Variants in MYRIP observed in about 807,000 individuals in gnomAD.
The protein encoded by MYRIP is rab effector MyRIP.
In MYRIP, 49 loss-of-function variants were observed where a neutral mutation model predicts 98.0. The observed-to-expected ratio is 0.50, with a 90% confidence interval of 0.40 to 0.63. MYRIP has a LOEUF of 0.63. MYRIP is among the 30% of genes least tolerant of loss of function. The pLI is 0.00. For missense variants in MYRIP, 1,004 were observed against 1,058.2 expected (o/e 0.95, Z 0.71); for synonymous variants, 404 against 409.5 (o/e 0.99, Z 0.16).
intron 3 of MYRIP, among the ~76,000 whole-genome samples, chr3:40,077,944 G>C (rs540082868): frequency 6.6e-6 from 1 of 152,260 alleles, no homozygotes; most frequent in African/African-American, 2.4e-5. Context: ...TCAGCCCTTC[G>C]GTGGTTGATG....
At chr3:40,043,668 G>T (rs76609250) in intron 2 of MYRIP, among the ~76,000 whole-genome samples, 1 of 152,144 alleles carries the variant, frequency 6.6e-6, no homozygotes, top group Admixed American at 6.5e-5. Context: ...GCTGTGTGAG[G>T]ATTAATGTTT....
intron 2 of MYRIP, among the ~76,000 whole-genome samples, chr3:39,975,420 A>T (rs1945722032): frequency 6.6e-6 from 1 of 152,024 alleles, no homozygotes; most frequent in Non-Finnish European, 1.5e-5. Context: ...ATGGAAGAAC[A>T]TTCCATGCTC....
intron 1 of MYRIP, among the ~76,000 whole-genome samples, chr3:39,878,751 C>T (rs1011660060): frequency 6.6e-6 from 1 of 151,994 alleles, no homozygotes; most frequent in African/African-American, 2.4e-5. Flanking sequence ...AAAAATACTA[C>T]AACTTCTTTT....
intron 2 of MYRIP, among the ~76,000 whole-genome samples, chr3:40,030,024 C>G (rs1441401613): frequency 1.3e-5 from 2 of 151,016 alleles, no homozygotes; most frequent in African/African-American, 4.9e-5. Flanking sequence ...GCCACCACTG[C>G]ATTCCAGCAT....
intron 2 of MYRIP, among the ~76,000 whole-genome samples, chr3:39,960,832 A>C (rs1945304686): frequency 6.6e-6 from 1 of 152,164 alleles, no homozygotes; most frequent in Non-Finnish European, 1.5e-5. Flanking sequence ...CTGGTTTTAA[A>C]CAATTGCATT....
chr3:40,004,103 G>C (rs1264257977), intron 2 of MYRIP, among the ~76,000 whole-genome samples: 1 of 152,132 alleles, frequency 6.6e-6, no homozygotes, highest in African/African-American at 2.4e-5. Flanking sequence ...TTCAGCACAG[G>C]CATGTCTGAC....
intron 15 of MYRIP, among the ~76,000 whole-genome samples, chr3:40,251,496 C>G (rs1953376790): frequency 6.6e-6 from 1 of 152,202 alleles, no homozygotes; most frequent in Non-Finnish European, 1.5e-5. Context: ...AACATTTGCA[C>G]TCCATGAGAT....
At chr3:40,202,145 A>G (rs895202289) in intron 10 of MYRIP, among the ~76,000 whole-genome samples, 2 of 152,220 alleles carry the variant, frequency 1.3e-5, no homozygotes, top group African/African-American at 4.8e-5. Context: ...GGTCAGGTTC[A>G]GTATCTTTCA....
chr3:40,153,117 C>CA (rs138590625), intron 4 of MYRIP, among the ~76,000 whole-genome samples: 12,833 of 148,482 alleles, frequency 0.086, 1,089 homozygotes, highest in African/African-American at 0.22. Flanking sequence ...AGACCCTGTC[C>CA]AAAAAAAAAG....
intron 3 of MYRIP, among the ~76,000 whole-genome samples, chr3:40,064,640 G>A (rs570545181): frequency 3.9e-5 from 6 of 152,278 alleles, no homozygotes; most frequent in East Asian, 3.9e-4. Context: ...CTGAAGCCAC[G>A]GAGGTCCTGG....
At chr3:40,231,231 C>A (rs999062189) in intron 11 of MYRIP, among the ~76,000 whole-genome samples, 12 of 152,214 alleles carry the variant, frequency 7.9e-5, no homozygotes, top group Non-Finnish European at 1.8e-4. Context: ...CTCCTCAGAC[C>A]AGCTGCCTGG....
chr3:40,047,269 G>A (rs1332849822), intron 3 of MYRIP, among the ~76,000 whole-genome samples: 1 of 152,188 alleles, frequency 6.6e-6, no homozygotes, highest in African/African-American at 2.4e-5. Context: ...TAATGAGGAG[G>A]CAGGAGGCTT....
At chr3:39,854,125 A>T (rs1230554925) in intron 1 of MYRIP, among the ~76,000 whole-genome samples, 1 of 152,050 alleles carries the variant, frequency 6.6e-6, no homozygotes, top group East Asian at 1.9e-4. Flanking sequence ...TATTTTTTAT[A>T]CCAGTACCAT....
chr3:40,114,634 C>A (rs779772566), intron 3 of MYRIP, among the ~76,000 whole-genome samples: 8 of 152,170 alleles, frequency 5.3e-5, no homozygotes, highest in Non-Finnish European at 8.8e-5. Context: ...AGTTCAGAGA[C>A]AAGGAAGCCT....
At chr3:40,189,727 C>T in intron 9 of MYRIP, 99 bp from the exon 10 acceptor site, 1 of 1,303,498 alleles carries the variant, frequency 7.7e-7, no homozygotes, top group East Asian at 2.3e-5. Flanking sequence ...TCTCCAACAG[C>T]CCCACAAGCC....
In MYRIP at chr3:40,258,297, T is replaced by C. The variant is rs1953665049; in HGVS notation, c.*131T>C. On this transcript the variant is annotated 3_prime_UTR_variant, in exon 17 of 17. Coordinates refer to ENST00000302541, the MANE Select transcript of MYRIP (RefSeq NM_015460.4). Reference sequence around the variant, plus strand: ...GCCTGGGGAGGCCACAGTGCACCATTGCACAGGGCTGTCCTGATACCTCAT... The same window carrying C: ...GCCTGGGGAGGCCACAGTGCACCATCGCACAGGGCTGTCCTGATACCTCAT... The C allele has an allele frequency of 9.6e-7, 1 of 1,041,426 alleles. No homozygotes were observed. Among genetic ancestry groups the C allele is most frequent in the Non-Finnish European group, 1.5e-6 (1 of 674,000 alleles). 64.5% of individuals were successfully genotyped at this position (1,041,426 alleles called of 1,614,324 possible).
At chr3:40,144,848 G>A (rs1949978710) in intron 3 of MYRIP, among the ~76,000 whole-genome samples, 1 of 152,058 alleles carries the variant, frequency 6.6e-6, no homozygotes, top group East Asian at 1.9e-4. Flanking sequence ...TTCATGCTAG[G>A]TGCCTCTGAA....
intron 12 of MYRIP, among the ~76,000 whole-genome samples, chr3:40,240,722 C>T (rs1952983257): frequency 6.6e-6 from 1 of 152,138 alleles, no homozygotes; most frequent in Admixed American, 6.5e-5. Flanking sequence ...AGGACTAATC[C>T]CACCCTCCAC....
At position 40,236,785 on chromosome 3, in the gene MYRIP, G is replaced by A. The variant is rs904534773; in HGVS notation, c.2100+2732G>A. Among the ~76,000 whole-genome samples the A allele has an allele frequency of 4.6e-5, 7 of 152,236 alleles. No homozygotes were observed. In the East Asian group the frequency reaches 1.2e-3, roughly 25 times the overall value. On this transcript the variant is annotated intron_variant, in intron 12 of 16. Coordinates refer to ENST00000302541, the MANE Select transcript of MYRIP (RefSeq NM_015460.4). ...GATGCCAGCTCCTGCAGAGTCAACT[G>A]TGCTTTTGAGGTGCTCTAATGAATG...
Sources: gnomAD v4.1 joint callset for allele counts (sites outside exome capture counted in the v4.1 genomes callset) on GRCh38, gnomAD v4.1.1 for gene constraint, MANE v1.5 for transcripts, NCBI Gene and HGNC (gene_info 2026-07-23, HGNC 2026-07-21) for gene names.